Variants in RBCK1 observed in about 807,000 individuals in gnomAD.
RBCK1 encodes the protein RANBP2-type and C3HC4-type zinc finger containing 1, also known as ranBP-type and C3HC4-type zinc finger-containing protein 1.
Under a neutral mutation model 71.1 loss-of-function variants are expected in RBCK1, and 44 were observed. That is an observed-to-expected ratio of 0.62 (90% CI 0.49 to 0.80). The LOEUF is 0.80. Ranked by LOEUF, RBCK1 falls within the 30% of genes least tolerant of loss-of-function variation. The probability of loss-of-function intolerance (pLI) is 0.00; values close to 1 mark genes in which losing one functional copy is unlikely to be tolerated. For missense variants in RBCK1, 569 were observed against 685.0 expected, an observed-to-expected ratio of 0.83 and a Z score of 1.89; for synonymous variants, 306 against 279.7, an observed-to-expected ratio of 1.09 and a Z score of -0.94.
At chr20:418,429 C>T (rs1432672561) in intron 4 of RBCK1, among the ~76,000 whole-genome samples, 3 of 151,946 alleles carry the variant, frequency 2.0e-5, no homozygotes, top group East Asian at 1.9e-4. Context: ...AGTGCAGTGG[C>T]ACAATCTCGG....
At chr20:411,428 C>T (rs912104845) in intron 2 of RBCK1, among the ~76,000 whole-genome samples, 40 of 152,050 alleles carry the variant, frequency 2.6e-4, no homozygotes, top group African/African-American at 9.4e-4. Context: ...AGTGCAGTGG[C>T]GCGATCTCAG....
intron 1 of RBCK1, 96 bp downstream of exon 1, chr20:408,875 G>A (rs2015531627): frequency 4.9e-6 from 7 of 1,416,438 alleles, no homozygotes; most frequent in Non-Finnish European, 6.7e-6. Flanking sequence ...TTGGAGAGGG[G>A]GCTTTAGCCT....
Position 428,491 on chromosome 20 carries a change from G to A in RBCK1, c.1210G>A (p.Ala404Thr), listed in dbSNP as rs2016849487. The A allele has an allele frequency of 6.2e-7, 1 of 1,602,774 alleles. No individual in the cohort carries two copies. The highest frequency in any genetic ancestry group is 1.1e-5 in the South Asian group (1 of 88,962). Reference sequence around the variant, plus strand: ...ACCTTGAGTCCCTCACCCGCTACAGGCCATCCATGAGCAGATGAACTGCAA... The same window carrying A: ...ACCTTGAGTCCCTCACCCGCTACAGACCATCCATGAGCAGATGAACTGCAA... ...CFHVNCLLCK[A>T]IHEQMNCKEY... is the part of the protein sequence containing the mutation. The change falls in exon 10 of 12, where the codon GCC becomes ACC. Residue 404 changes from alanine (A) to threonine (T), a missense_variant and splice_region_variant. Transcript: ENST00000356286. The surrounding 1 kb of genome is among the most constrained non-coding windows in gnomAD (Gnocchi z 5.7).
intron 2 of RBCK1, among the ~76,000 whole-genome samples, chr20:414,986 G>C (rs2015906110): frequency 6.6e-6 from 1 of 152,128 alleles, no homozygotes; most frequent in Non-Finnish European, 1.5e-5. Flanking sequence ...TATTCAAATT[G>C]TTTACCTGAA....
At position 428,937 on chromosome 20, in the gene RBCK1, C is replaced by G. The variant is rs762028720; in HGVS notation, c.1309-14C>G. 3 of 1,600,744 alleles carry G rather than the reference C, an allele frequency of 1.9e-6. No individual in the cohort carries two copies. In the Admixed American group the frequency reaches 5.1e-5, roughly 27 times the overall value. ...CCCAGCCCCGCCCCAGGGCCAGCAC[C>G]TGCCCCACTCCAGGTGATGCTGCAG... On this transcript the variant is annotated splice_polypyrimidine_tract_variant and intron_variant, in intron 10 of 11. Coordinates refer to ENST00000356286, the MANE Select transcript of RBCK1 (RefSeq NM_031229.4). This position sits in a 1 kb window ranked among gnomAD's most constrained non-coding sequence, Gnocchi z 5.7.
chr20:419,883 CCCTGCACCTGGCTGTGA>C (rs869080997), intron 6 of RBCK1, 152 bp downstream of exon 6: 1 of 1,410,532 alleles, frequency 7.1e-7, no homozygotes, highest in Non-Finnish European at 9.3e-7. Flanking sequence ...CTGGCTGTGA[CCCTGCACCTGGCTGTGA>C]CCTGCCCTCT....
At chr20:418,572 G>A (rs952609334) in intron 4 of RBCK1, among the ~76,000 whole-genome samples, 47 of 152,218 alleles carry the variant, frequency 3.1e-4, no homozygotes, top group African/African-American at 6.5e-4. Flanking sequence ...GTTTCACCGT[G>A]TTAGCCAGGA....
Position 422,028 on chromosome 20 carries a change from G to C in RBCK1, c.918-99G>C. ...GAGGAGAAGTCCACCTGGGGTGACT[G>C]AGTGAGGCCCCTGGGGTCAGGCCTT... On this transcript the variant is annotated intron_variant, in intron 7 of 11. Transcript: ENST00000356286. The surrounding 1 kb of genome is among the most constrained non-coding windows in gnomAD (Gnocchi z 5.0). The C allele has an allele frequency of 1.2e-6, 1 of 862,882 alleles. No individual in the cohort carries two copies. The highest frequency in any genetic ancestry group is 1.8e-6 in the Non-Finnish European group (1 of 542,484). 53.5% of individuals were successfully genotyped at this position (862,882 alleles called of 1,614,324 possible).
rs2016096593 is a variant in RBCK1 at position 417,941 on chromosome 20, G to A, written c.460+11G>A. The A allele has an allele frequency of 1.2e-6, 2 of 1,601,334 alleles. No individual in the cohort carries two copies. The highest frequency in any genetic ancestry group is 1.7e-5 in the Admixed American group (1 of 59,846). The stretch of plus-strand genomic sequence containing the variant: ...TGCGGATGCTGGAAGGTGAGGCTCT[G>A]CCCTGAGCACCGCCGGACCCAGCGG... On this transcript the variant is annotated intron_variant, in intron 4 of 11. Coordinates refer to ENST00000356286, the MANE Select transcript of RBCK1 (RefSeq NM_031229.4). The surrounding 1 kb of genome is among the most constrained non-coding windows in gnomAD (Gnocchi z 4.7).
intron 2 of RBCK1, among the ~76,000 whole-genome samples, chr20:414,557 G>A (rs534076855): frequency 6.6e-6 from 1 of 152,224 alleles, no homozygotes; most frequent in Non-Finnish European, 1.5e-5. Context: ...CACATTGGAT[G>A]AGAGAGCTCC....
chr20:420,805 C>T, intron 6 of RBCK1, 66 bp from the exon 7 acceptor site: 1 of 1,455,474 alleles, frequency 6.9e-7, no homozygotes, highest in Non-Finnish European at 9.2e-7. Flanking sequence ...CTGGCCCTTC[C>T]CCCTTCGGGG....
At chr20:429,617 C>T (rs769443911) in intron 11 of RBCK1, among the ~76,000 whole-genome samples, 3 of 152,200 alleles carry the variant, frequency 2.0e-5, no homozygotes, top group African/African-American at 4.8e-5. Flanking sequence ...TTTCAGTGTC[C>T]GTAGGTAAAG....
At position 431,275 on chromosome 20, in the gene RBCK1, A is replaced by T. The variant is rs900216739; in HGVS notation, c.*845A>T. On this transcript the variant is annotated 3_prime_UTR_variant, in exon 12 of 12. Transcript: ENST00000356286. The surrounding 1 kb of genome is among the most constrained non-coding windows in gnomAD (Gnocchi z 4.8). The stretch of plus-strand genomic sequence containing the variant: ...GTCTTGCCACTCCTGCTCCCTTTTG[A>T]CCTCTCAGCAGGCATCTAGGGTTGG... 7.3e-5 allele frequency among the ~76,000 whole-genome samples: 11 copies of T among 151,712 alleles called. No individual in the cohort carries two copies. The highest frequency in any genetic ancestry group is 1.2e-4 in the Non-Finnish European group (8 of 67,952).
intron 8 of RBCK1, among the ~76,000 whole-genome samples, chr20:423,484 CG>C (rs2016549529): frequency 6.6e-6 from 1 of 151,836 alleles, no homozygotes; most frequent in East Asian, 1.9e-4. Flanking sequence ...AATTCAGCAA[CG>C]GTGGATAGAA....
rs577192276 is a variant in RBCK1, at chr20:418,507, T to G, written c.460+577T>G. Among the ~76,000 whole-genome samples the G allele has an allele frequency of 2.1e-3, 322 of 152,298 alleles. 1 individual carries two copies. The highest frequency in any genetic ancestry group is 7.5e-3 in the African/African-American group (311 of 41,562). On this transcript the variant is annotated intron_variant, in intron 4 of 11. Coordinates refer to ENST00000356286, the MANE Select transcript of RBCK1 (RefSeq NM_031229.4). ...CCTCAGCCTCCGGAGTAGCTGGGAC[T>G]ACAGGCGCCCGCCACCACGCCCGGC...
At position 430,257 on chromosome 20, in the gene RBCK1, G is replaced by A. The variant is rs927742189; in HGVS notation, c.1453-93G>A. 16 of 1,149,280 alleles carry A rather than the reference G, an allele frequency of 1.4e-5. No individual in the cohort carries two copies. Among genetic ancestry groups the A allele is most frequent in the Non-Finnish European group, 1.9e-5 (15 of 779,098 alleles). 71.2% of individuals were successfully genotyped at this position (1,149,280 alleles called of 1,614,324 possible). On this transcript the variant is annotated intron_variant, in intron 11 of 11. Coordinates refer to ENST00000356286, the MANE Select transcript of RBCK1 (RefSeq NM_031229.4). This position sits in a 1 kb window ranked among gnomAD's most constrained non-coding sequence, Gnocchi z 5.6. ...CCAGGCCATTCTTGCAGGAGGACCT[G>A]CAGAGGCAAAGGCCCGGGGTGGGAG...
intron 2 of RBCK1, chr20:410,624 C>A (rs1485652014): frequency 1.3e-6 from 1 of 765,164 alleles, no homozygotes; most frequent in African/African-American, 1.7e-5. Flanking sequence ...AGCTAGAATT[C>A]AGGGGTTCGC....
chr20:417,779 T>G lies in RBCK1; in HGVS notation c.309T>G (p.Ile103Met), dbSNP rs763655919. 6.2e-7 allele frequency: 1 copy of G among 1,613,988 alleles called. No homozygotes were observed. The highest frequency in any genetic ancestry group is 1.1e-5 in the South Asian group (1 of 91,072). ...GFPPVLQQWV[I>M]GQRLARDQET... The stretch of plus-strand genomic sequence containing the variant: ...CACCAGTCTTGCAGCAGTGGGTGAT[T>G]GGGCAGCGGCTGGCACGAGACCAGG... Residue 103 changes from isoleucine (I) to methionine (M), a missense_variant, in exon 4 of 12, where the codon ATT becomes ATG. Physicochemically the swap from Ile to Met is conservative, Grantham distance 10. Transcript: ENST00000356286. This position sits in a 1 kb window ranked among gnomAD's most constrained non-coding sequence, Gnocchi z 4.7.
intron 6 of RBCK1, chr20:420,490 GCCCTGCCCTGCTAC>G: frequency 1.0e-6 from 1 of 983,988 alleles, no homozygotes. Context: ...CCTGGCCCGG[GCCCTGCCCTGCTAC>G]CTGACTCACC....
Sources: gnomAD v4.1 joint callset for allele counts (sites outside exome capture counted in the v4.1 genomes callset) on GRCh38, gnomAD v4.1.1 for gene constraint, Gnocchi (gnomAD v3.1) non-coding constraint, MANE v1.5 for transcripts, NCBI Gene and HGNC (gene_info 2026-07-23, HGNC 2026-07-21) for gene names.